Variants in TEX15 observed in about 807,000 individuals in gnomAD.
TEX15 encodes the protein testis-expressed protein 15.
A neutral mutation model predicts 237.3 loss-of-function variants in TEX15; 171 were observed. The ratio of observed to expected loss-of-function variants is 0.72; its 90% CI spans 0.64 to 0.82. The LOEUF (loss-of-function observed/expected upper bound fraction) is 0.82. TEX15 is among the 40% of genes least tolerant of loss of function. TEX15 has a pLI of 0.00. For missense variants in TEX15, 3,750 were observed against 3,646.5 expected (o/e 1.03, Z -0.73); for synonymous variants, 1,338 against 1,269.8 (o/e 1.05, Z -1.14).
rs1382203056 is a variant in TEX15 at position 30,843,998 on chromosome 8, G to T, written c.6169C>A (p.Leu2057Met). ...ISRELLVDQN[L>M]WNNCKHTLKP... ...AATGTGTGTTTGCAATTATTCCACAGGTTTTGGTCTACCAACAGTTCTCTT... is the reference window on the plus strand; with the variant it reads ...AATGTGTGTTTGCAATTATTCCACATGTTTTGGTCTACCAACAGTTCTCTT... The change falls in exon 8 of 11, where the codon CTG becomes ATG. Residue 2057 changes from leucine (L) to methionine (M), a missense_variant. Leu to Met is a conservative substitution (Grantham distance 15). Coordinates refer to ENST00000643185, the MANE Select transcript of TEX15 (RefSeq NM_001350162.2). The T allele has an allele frequency of 6.2e-7, 1 of 1,612,476 alleles. No individual in the cohort carries two copies. Among genetic ancestry groups the T allele is most frequent in the Non-Finnish European group, 8.5e-7 (1 of 1,179,454 alleles).
rs147764923 is a variant in TEX15 at position 30,846,348 on chromosome 8, A to T, written c.3819T>A (p.Asp1273Glu). The change falls in exon 8 of 11, where the codon GAT (aspartate) becomes GAA (glutamate). Residue 1273 changes from aspartate to glutamate, a missense_variant. Coordinates refer to ENST00000643185, the MANE Select transcript of TEX15 (RefSeq NM_001350162.2). ...TEPSNVTTID[D>E]GSRCFFTKSK... is the part of the protein sequence containing the mutation. The stretch of plus-strand genomic sequence containing the variant: ...ATTTTGTAAAGAAACATCTGCTTCC[A>T]TCATCTATTGTTGTGACATTAGAAG... 29 of 1,613,062 alleles carry T rather than the reference A, an allele frequency of 1.8e-5. No homozygotes were observed. In the African/African-American group the frequency reaches 3.6e-4, roughly 20 times the overall value.
intron 1 of TEX15, among the ~76,000 whole-genome samples, chr8:30,908,452 A>T (rs983782763): frequency 2.0e-5 from 3 of 152,226 alleles, no homozygotes; most frequent in South Asian, 2.1e-4. Context: ...ATTTGCCTAT[A>T]TATCTCCTTT....
chr8:30,902,939 C>T (rs550427418), intron 1 of TEX15, among the ~76,000 whole-genome samples: 7 of 152,318 alleles, frequency 4.6e-5, no homozygotes, highest in Non-Finnish European at 8.8e-5. Flanking sequence ...ATATTTATTG[C>T]ACAGACTTTG....
intron 1 of TEX15, among the ~76,000 whole-genome samples, chr8:30,906,881 A>G (rs1351521222): frequency 6.6e-6 from 1 of 152,202 alleles, no homozygotes; most frequent in Non-Finnish European, 1.5e-5. Flanking sequence ...TGGGCTTGAA[A>G]GACACAAAAA....
At chr8:30,833,911 GC>G (rs1229322534) in intron 10 of TEX15, among the ~76,000 whole-genome samples, 1 of 152,102 alleles carries the variant, frequency 6.6e-6, no homozygotes, top group Non-Finnish European at 1.5e-5. Flanking sequence ...GAGAGCCATA[GC>G]TGGACTTGAT....
chr8:30,868,252 C>T (rs1808217394), intron 4 of TEX15, among the ~76,000 whole-genome samples: 1 of 151,942 alleles, frequency 6.6e-6, no homozygotes, highest in Non-Finnish European at 1.5e-5. Flanking sequence ...ACTTCCATTA[C>T]AAAACCCATT....
At chr8:30,872,607 A>C (rs1044299229) in intron 4 of TEX15, among the ~76,000 whole-genome samples, 2 of 152,112 alleles carry the variant, frequency 1.3e-5, no homozygotes, top group African/African-American at 4.8e-5. Flanking sequence ...TGACAGCTCC[A>C]TGCACGTTAC....
rs1363786877 is a variant in TEX15, at chr8:30,837,757, A to G, written c.8527T>C (p.Cys2843Arg). ...DKKDCAAFAICDQKSVHGTFS... is the reference protein window; with the variant it reads ...DKKDCAAFAIRDQKSVHGTFS... Reference sequence around the variant, plus strand: ...GTGCCATGTACACTTTTTTGGTCACAAATTGCAAAAGCAGCACAATCTTTC... The same window carrying G: ...GTGCCATGTACACTTTTTTGGTCACGAATTGCAAAAGCAGCACAATCTTTC... The change falls in exon 10 of 11, where the codon TGT becomes CGT. Residue 2843 changes from cysteine to arginine, a missense_variant. Coordinates refer to ENST00000643185, the MANE Select transcript of TEX15 (RefSeq NM_001350162.2). 6.2e-7 allele frequency: 1 copy of G among 1,614,182 alleles called. No individual in the cohort carries two copies.
intron 1 of TEX15, among the ~76,000 whole-genome samples, chr8:30,905,556 C>T (rs1036852728): frequency 6.6e-6 from 1 of 151,774 alleles, no homozygotes; most frequent in African/African-American, 2.4e-5. Flanking sequence ...TTGACTTATT[C>T]ACGCCATGGA....
At chr8:30,889,047 G>A (rs934064859) in intron 2 of TEX15, among the ~76,000 whole-genome samples, 3 of 152,146 alleles carry the variant, frequency 2.0e-5, no homozygotes, top group African/African-American at 7.2e-5. Context: ...AATGTCTTAT[G>A]CTATAAAAAC....
At chr8:30,883,708 A>G (rs1808586620) in intron 3 of TEX15, among the ~76,000 whole-genome samples, 2 of 152,182 alleles carry the variant, frequency 1.3e-5, no homozygotes, top group Admixed American at 1.3e-4. Context: ...CGCATATTCC[A>G]TGATGTATAT....
At chr8:30,889,940 T>TATACAC (rs1554502300) in intron 2 of TEX15, among the ~76,000 whole-genome samples, 39 of 129,894 alleles carry the variant, frequency 3.0e-4, no homozygotes, top group Admixed American at 1.3e-3. Context: ...TATACATATA[T>TATACAC]ATATATATAT....
In TEX15 at chr8:30,836,885, A is replaced by G; in HGVS notation, c.9399T>C (p.Tyr3133=). Residue 3133 remains tyrosine, a synonymous_variant, in exon 10 of 11, where the codon TAT becomes TAC. Coordinates refer to ENST00000643185, the MANE Select transcript of TEX15 (RefSeq NM_001350162.2). ...CTTGTGGTAATGGCTGATGAGAAGC[A>G]TATTGTGAAAAAATTGGCTGCCGAA... The part of the protein sequence containing the change: ...SNFRQPIFSQ[Y]ASHQPLPQAT... 6.2e-7 allele frequency: 1 copy of G among 1,614,184 alleles called. No individual in the cohort carries two copies. The highest frequency in any genetic ancestry group is 8.5e-7 in the Non-Finnish European group (1 of 1,180,008).
chr8:30,889,952 T>TATATAC (rs1264779192), intron 2 of TEX15, among the ~76,000 whole-genome samples: 10 of 131,946 alleles, frequency 7.6e-5, no homozygotes, highest in African/African-American at 3.4e-4. Flanking sequence ...TATATATATA[T>TATATAC]ACATATATAT....
At chr8:30,869,746 A>T (rs1808251522) in intron 4 of TEX15, among the ~76,000 whole-genome samples, 1 of 152,012 alleles carries the variant, frequency 6.6e-6, no homozygotes, top group Non-Finnish European at 1.5e-5. Context: ...CTTGCAATAA[A>T]AGCTTTTCTT....
rs1807530997 is a variant in TEX15, at chr8:30,844,171, TTAGCTA to T, written c.5990_5995del (p.Ile1997_Ala1998del). The T allele has an allele frequency of 1.9e-6, 3 of 1,612,910 alleles. No homozygotes were observed. In the African/African-American group the frequency reaches 4.0e-5, roughly 22 times the overall value. On this transcript the variant is annotated inframe_deletion, in exon 8 of 11. Transcript: ENST00000643185. Reference sequence around the variant, plus strand: ...TGCCCTCTGCAAAATTTGAGATAGATTAGCTATAAGGGCCGTATGATTAGCTGAGCA... The same window carrying T: ...TGCCCTCTGCAAAATTTGAGATAGATTAAGGGCCGTATGATTAGCTGAGCA...
At chr8:30,856,741 A>T (rs962415586) in intron 7 of TEX15, among the ~76,000 whole-genome samples, 1 of 151,378 alleles carries the variant, frequency 6.6e-6, no homozygotes, top group African/African-American at 2.5e-5. Context: ...AATAAAAGAC[A>T]TGTAAGATAT....
chr8:30,844,152 CT>C lies in TEX15; in HGVS notation c.6014del (p.Gln2005ArgfsTer20), dbSNP rs1807530284. ...ALIANLSQILQRADEASSLQI... is the reference protein window; with the variant it reads ...ALIANLSQILXRADEASSLQI... The stretch of plus-strand genomic sequence containing the variant: ...GCAAAGATGATGCTTCATCTGCCCT[CT>C]GCAAAATTTGAGATAGATTAGCTAT... On this transcript the variant is annotated frameshift_variant, in exon 8 of 11. Transcript: ENST00000643185. LOFTEE classifies it high-confidence loss of function. 1 of 1,613,070 alleles carries C rather than the reference CT, an allele frequency of 6.2e-7. No individual in the cohort carries two copies. The highest frequency in any genetic ancestry group is 8.5e-7 in the Non-Finnish European group (1 of 1,179,546).
chr8:30,887,889 C>CATATATATAT lies in TEX15; in HGVS notation c.-9-588_-9-579dup, dbSNP rs36204928. The CATATATATAT allele has an allele frequency of 2.0e-4, 22 of 108,056 alleles. 1 individual carries two copies. The highest frequency in any genetic ancestry group is 6.7e-4 in the South Asian group (2 of 2,966). 6.7% of individuals were successfully genotyped at this position (108,056 alleles called of 1,614,324 possible). ...ACATATATATTTCACATATATATTT[C>CATATATATAT]ATATATATATATATATATATATATA... On this transcript the variant is annotated intron_variant, in intron 2 of 10. Transcript: ENST00000643185.
Sources: allele counts gnomAD v4.1 joint callset (sites outside exome capture counted in the v4.1 genomes callset), GRCh38; gene constraint gnomAD v4.1.1; transcripts MANE v1.5; gene names NCBI Gene and HGNC (gene_info 2026-07-23, HGNC 2026-07-21).